The following CTNND2 variants were observed in gnomAD, a reference collection of about 807,000 sequenced individuals.
CTNND2 encodes the protein catenin delta 2, also known as catenin delta-2.
CTNND2 carries 22 observed loss-of-function variants against 144.4 expected under a neutral mutation model. The observed-to-expected ratio is 0.15, with a 90% CI of 0.11 to 0.22. The LOEUF (loss-of-function observed/expected upper bound fraction) is 0.22, where lower values mean the gene tolerates loss of function less well. Among genes scored for constraint, CTNND2 ranks in the 10% least tolerant of loss-of-function variants. The pLI is 1.00. For synonymous variants in CTNND2, 751 were observed against 695.6 expected, an observed-to-expected ratio of 1.08 and a Z score of -1.25; for missense variants, 1,353 against 1,618.8, an observed-to-expected ratio of 0.84 and a Z score of 2.82.
chr5:11,280,710 G>C (rs1747025562), intron 9 of CTNND2, among the ~76,000 whole-genome samples: 1 of 152,176 alleles, frequency 6.6e-6, no homozygotes, highest in Non-Finnish European at 1.5e-5. Context: ...AGCATTTACA[G>C]GCATGTTTCT....
intron 16 of CTNND2, among the ~76,000 whole-genome samples, chr5:11,041,247 T>C (rs1744666955): frequency 6.6e-6 from 1 of 152,256 alleles, no homozygotes. Flanking sequence ...TTTCTTCATA[T>C]GCTGTTACTC....
intron 5 of CTNND2, among the ~76,000 whole-genome samples, chr5:11,399,250 T>C (rs1181273545): frequency 6.6e-6 from 1 of 152,116 alleles, no homozygotes; most frequent in Non-Finnish European, 1.5e-5. Flanking sequence ...CCCCTTGAGA[T>C]AGTAATGCAT....
chr5:11,353,639 C>A (rs1247855366), intron 8 of CTNND2, among the ~76,000 whole-genome samples: 11 of 152,000 alleles, frequency 7.2e-5, no homozygotes, highest in Non-Finnish European at 2.9e-5. Context: ...CCCGTCTCTA[C>A]TAAAAATACA....
At chr5:11,885,113 T>C (rs1183910324) in intron 1 of CTNND2, among the ~76,000 whole-genome samples, 1 of 152,200 alleles carries the variant, frequency 6.6e-6, no homozygotes, top group East Asian at 1.9e-4. Context: ...GATAATGGCC[T>C]GTAGTTTTAC....
intron 9 of CTNND2, among the ~76,000 whole-genome samples, chr5:11,285,168 G>C (rs962924541): frequency 1.7e-4 from 26 of 152,280 alleles, no homozygotes; most frequent in African/African-American, 6.0e-4. Flanking sequence ...TGCTGCCCCA[G>C]CAAGAATCCT....
chr5:11,751,894 A>G (rs1359998561), intron 1 of CTNND2, among the ~76,000 whole-genome samples: 6 of 151,760 alleles, frequency 4.0e-5, no homozygotes, highest in Non-Finnish European at 8.9e-5. Context: ...TGACTTCTTA[A>G]TAACAGCCAT....
chr5:11,362,955 T>G (rs559764483), intron 8 of CTNND2, among the ~76,000 whole-genome samples: 1 of 152,364 alleles, frequency 6.6e-6, no homozygotes, highest in African/African-American at 2.4e-5. Flanking sequence ...TGAATGGGTA[T>G]GGCTGCATCT....
At chr5:11,171,624 C>T (rs1043600444) in intron 11 of CTNND2, among the ~76,000 whole-genome samples, 2 of 152,126 alleles carry the variant, frequency 1.3e-5, no homozygotes, top group Admixed American at 1.3e-4. Flanking sequence ...TAGTAAGAGT[C>T]CACTTGGGGA....
intron 9 of CTNND2, among the ~76,000 whole-genome samples, chr5:11,337,030 AG>A (rs1753805444): frequency 6.6e-6 from 1 of 152,200 alleles, no homozygotes; most frequent in African/African-American, 2.4e-5. Context: ...TTTGGGTAGC[AG>A]GGGTGCTGTC....
At chr5:11,704,242 C>T (rs1362898078) in intron 2 of CTNND2, among the ~76,000 whole-genome samples, 1 of 152,222 alleles carries the variant, frequency 6.6e-6, no homozygotes, top group Non-Finnish European at 1.5e-5. Context: ...GAAGACAGCT[C>T]AGACTTCAGA....
chr5:11,039,116 C>T (rs1385503666), intron 16 of CTNND2, among the ~76,000 whole-genome samples: 1 of 152,208 alleles, frequency 6.6e-6, no homozygotes, highest in African/African-American at 2.4e-5. Context: ...ACAAAACACA[C>T]AATCGCCTTT....
chr5:11,510,291 T>TA (rs1178560494), intron 3 of CTNND2, among the ~76,000 whole-genome samples: 1 of 152,174 alleles, frequency 6.6e-6, no homozygotes, highest in East Asian at 1.9e-4. Flanking sequence ...CCTTGGCAAC[T>TA]AAAAAATATG....
chr5:11,639,430 A>G (rs1781881083), intron 2 of CTNND2, among the ~76,000 whole-genome samples: 1 of 152,218 alleles, frequency 6.6e-6, no homozygotes, highest in Non-Finnish European at 1.5e-5. Context: ...CAATTTGAGA[A>G]GCACTGATTA....
intron 16 of CTNND2, among the ~76,000 whole-genome samples, chr5:11,073,784 C>T (rs1748609616): frequency 6.6e-6 from 1 of 152,164 alleles, no homozygotes; most frequent in Non-Finnish European, 1.5e-5. Flanking sequence ...AGCCAAGGTA[C>T]AGAGCTTGCC....
At chr5:11,452,832 G>A (rs31958) in intron 3 of CTNND2, among the ~76,000 whole-genome samples, 69,423 of 151,998 alleles carry the variant, frequency 0.46, 18,454 homozygotes, top group East Asian at 0.77. Flanking sequence ...TAATATGTGC[G>A]CACATTTGTC....
chr5:11,873,765 C>A (rs1582043275), intron 1 of CTNND2, among the ~76,000 whole-genome samples: 1 of 152,126 alleles, frequency 6.6e-6, no homozygotes, highest in South Asian at 2.1e-4. Context: ...TGGAGTCCAC[C>A]CCTTTGACAC....
chr5:11,672,904 C>T (rs1783977791), intron 2 of CTNND2, among the ~76,000 whole-genome samples: 1 of 152,144 alleles, frequency 6.6e-6, no homozygotes, highest in Admixed American at 6.5e-5. Flanking sequence ...CAACACCCCA[C>T]CCTGCTTCGG....
At chr5:11,555,012 T>C (rs1451138606) in intron 3 of CTNND2, among the ~76,000 whole-genome samples, 1 of 151,958 alleles carries the variant, frequency 6.6e-6, no homozygotes, top group Non-Finnish European at 1.5e-5. Flanking sequence ...GATATAAACA[T>C]AGAAATACTT....
intron 21 of CTNND2, among the ~76,000 whole-genome samples, chr5:10,975,928 T>C (rs937917147): frequency 1.3e-4 from 20 of 152,208 alleles, no homozygotes; most frequent in African/African-American, 4.6e-4. Context: ...TGGTGAACAT[T>C]TGGGAGCTGG....
Sources: gnomAD v4.1 joint callset for allele counts (sites outside exome capture counted in the v4.1 genomes callset) on GRCh38, gnomAD v4.1.1 for gene constraint, MANE v1.5 for transcripts, NCBI Gene and HGNC (gene_info 2026-07-23, HGNC 2026-07-21) for gene names.